ARHGAP11B: variants seen among roughly 807,000 people sequenced by gnomAD.
ARHGAP11B encodes Rho GTPase activating protein 11B.
A neutral mutation model predicts 27.6 loss-of-function variants in ARHGAP11B; 14 were observed. The observed-to-expected ratio is 0.51, with a 90% CI of 0.34 to 0.79. The LOEUF is 0.79. Among genes scored for constraint, ARHGAP11B ranks in the 30% least tolerant of loss-of-function variants. The pLI, the probability that ARHGAP11B is intolerant of heterozygous loss-of-function variation, is 0.02. For missense variants in ARHGAP11B, 245 were observed against 320.1 expected (o/e 0.77, Z 1.79); for synonymous variants, 82 against 114.1 (o/e 0.72, Z 1.80).
rs369518739 is a variant in ARHGAP11B at position 30,635,595 on chromosome 15, C to G, written c.769C>G (p.Leu257Val). ...TTTGAAGAAGGTGAATATGAAACTCCTGGTGAATATAAGAGAAAGAGAAGA... is the reference window on the plus strand; with the variant it reads ...TTTGAAGAAGGTGAATATGAAACTCGTGGTGAATATAAGAGAAAGAGAAGA... The change falls in exon 6 of 11, where the codon CTG becomes GTG. Residue 257 changes from leucine to valine, a missense_variant. By Grantham distance (32) the Leu-to-Val change is conservative (BLOSUM62 1). This residue lies in a region of ARHGAP11B where 129 missense variants were observed against 159.9 expected (regional missense o/e 0.81). Coordinates refer to ENST00000428041, the Ensembl canonical transcript of ARHGAP11B. 25 of 1,613,270 alleles carry G rather than the reference C, an allele frequency of 1.5e-5. No homozygotes were observed. Among genetic ancestry groups the G allele is most frequent in the Middle Eastern group, 3.3e-4 (2 of 6,078 alleles).
chr15:30,642,283 G>A (rs2060320383), intron 7 of ARHGAP11B, among the ~76,000 whole-genome samples: 1 of 151,924 alleles, frequency 6.6e-6, no homozygotes, highest in East Asian at 1.9e-4. Context: ...AAATGTATAT[G>A]GAGCCTTTGT....
rs1001165393 is a variant in ARHGAP11B, at chr15:30,628,935, C to A, written c.130-1768C>A. On this transcript the variant is annotated intron_variant, in intron 1 of 10. Transcript: ENST00000428041. Reference sequence around the variant, plus strand: ...TTATATATAACAGAAGTAGACTTACCAGCCTAAGTATCTGGTTTATTTTTA... The same window carrying A: ...TTATATATAACAGAAGTAGACTTACAAGCCTAAGTATCTGGTTTATTTTTA... Among the ~76,000 whole-genome samples, 30 of 151,918 alleles carry A rather than the reference C, an allele frequency of 2.0e-4. 1 individual carries two copies. The highest frequency in any genetic ancestry group is 6.8e-4 in the African/African-American group (28 of 41,354).
chr15:30,635,525 A>G (rs966012543), exon 6 of ARHGAP11B: 3 of 1,613,474 alleles, frequency 1.9e-6, no homozygotes, highest in South Asian at 1.1e-5. Flanking sequence ...GATACCAGCC[A>G]TGTTGGGTAT....
intron 7 of ARHGAP11B, among the ~76,000 whole-genome samples, chr15:30,639,817 A>G (rs1231467132): frequency 6.6e-6 from 1 of 152,004 alleles, no homozygotes; most frequent in Non-Finnish European, 1.5e-5. Context: ...ATATAAATGG[A>G]TTGTAAAGAT....
intron 3 of ARHGAP11B, among the ~76,000 whole-genome samples, chr15:30,633,849 T>G (rs1272323281): frequency 6.6e-6 from 1 of 151,850 alleles, no homozygotes; most frequent in Non-Finnish European, 1.5e-5. Flanking sequence ...TAAGTTATAT[T>G]GTTGTTAGCC....
exon 1 of ARHGAP11B, chr15:30,626,570 C>G (rs114851315): frequency 0.012 from 6,138 of 525,668 alleles, 133 homozygotes; most frequent in African/African-American, 0.063. Context: ...AAGAAGGTCG[C>G]TGTAAGTGAA....
At chr15:30,636,748 C>A (rs1367238006) in intron 6 of ARHGAP11B, among the ~76,000 whole-genome samples, 1 of 152,092 alleles carries the variant, frequency 6.6e-6, no homozygotes, top group Non-Finnish European at 1.5e-5. Flanking sequence ...TTTCTTGCCT[C>A]TTCCTGGCTC....
At chr15:30,631,537 A>G (rs56176437) in intron 2 of ARHGAP11B, among the ~76,000 whole-genome samples, 83,642 of 151,234 alleles carry the variant, frequency 0.55, 24,670 homozygotes, top group African/African-American at 0.71. Context: ...AAGGTGGTGT[A>G]CACCCCTGTA....
chr15:30,627,717 G>A (rs927739097), intron 1 of ARHGAP11B, among the ~76,000 whole-genome samples: 3 of 151,926 alleles, frequency 2.0e-5, no homozygotes, highest in Non-Finnish European at 2.9e-5. Context: ...TAAGCTGAAT[G>A]TAAAGCATTT....
chr15:30,633,014 A>G (rs2060255305), intron 2 of ARHGAP11B, among the ~76,000 whole-genome samples: 1 of 150,182 alleles, frequency 6.7e-6, no homozygotes, highest in African/African-American at 2.5e-5. Flanking sequence ...TTTTGAGATG[A>G]ACAGGGAAGG....
chr15:30,631,053 A>C (rs1484199959), intron 2 of ARHGAP11B, among the ~76,000 whole-genome samples: 2 of 151,664 alleles, frequency 1.3e-5, no homozygotes, highest in African/African-American at 4.8e-5. Context: ...GAAGAGAGTA[A>C]GCATTTCAAA....
At chr15:30,627,055 T>C in intron 1 of ARHGAP11B, 106 bp downstream of exon 1, 1 of 1,508,952 alleles carries the variant, frequency 6.6e-7, no homozygotes, top group Non-Finnish European at 8.9e-7. Flanking sequence ...TCAAAAAGAA[T>C]GGTTAGGTGT....
At chr15:30,629,098 G>C (rs187774071) in intron 1 of ARHGAP11B, among the ~76,000 whole-genome samples, 1 of 151,998 alleles carries the variant, frequency 6.6e-6, no homozygotes, top group Admixed American at 6.6e-5. Context: ...TGCTTACTGT[G>C]TGTCAGACAC....
chr15:30,634,163 A>G lies in ARHGAP11B; in HGVS notation c.298-7A>G. On this transcript the variant is annotated splice_region_variant and splice_polypyrimidine_tract_variant and intron_variant, in intron 3 of 10. Coordinates refer to ENST00000428041, the Ensembl canonical transcript of ARHGAP11B. ...CAAAATACTCAAGATTATTATATTT[A>G]TTTCAGAATAAAGTGGATCATGGTG... The G allele has an allele frequency of 6.2e-7, 1 of 1,605,640 alleles. No individual in the cohort carries two copies. Among genetic ancestry groups the G allele is most frequent in the Non-Finnish European group, 8.5e-7 (1 of 1,174,570 alleles).
rs371649115 is a variant in ARHGAP11B, at chr15:30,626,876, A to G, written c.56A>G (p.Tyr19Cys). ...CTGTTGCAGCATCTGCGGGCCTTCT[A>G]TGGTATTAAGGTGAAGGGTGTCCGT... Residue 19 changes from tyrosine to cysteine, a missense_variant, in exon 1 of 11, where the codon TAT becomes TGT. By Grantham distance (194) the Tyr-to-Cys change is radical. Around this residue, in one of 3 missense-constraint regions of ARHGAP11B, gnomAD observed 107 missense variants for 121.9 expected, o/e 0.88. Transcript: ENST00000428041. 101 of 1,613,568 alleles carry G rather than the reference A, an allele frequency of 6.3e-5. 3 individuals carry two copies. The African/African-American group carries it at 8.0e-4, about 13-fold the overall frequency.
chr15:30,648,949 T>C (rs2060369205), exon 11 of ARHGAP11B: 1 of 152,100 alleles, frequency 6.6e-6, no homozygotes, highest in Non-Finnish European at 1.5e-5. Context: ...TTGAGAAGGC[T>C]TATGGTATGC....
chr15:30,642,908 G>A (rs1004681360), intron 7 of ARHGAP11B, among the ~76,000 whole-genome samples: 1 of 152,032 alleles, frequency 6.6e-6, no homozygotes, highest in African/African-American at 2.4e-5. Flanking sequence ...AGTGATTTCG[G>A]TTGTTGCTTG....
At chr15:30,633,278 T>C (rs2170759) in intron 2 of ARHGAP11B, among the ~76,000 whole-genome samples, 6 of 152,012 alleles carry the variant, frequency 3.9e-5, no homozygotes, top group East Asian at 3.9e-4. Flanking sequence ...TTAGTGTGCA[T>C]ATTGGAGTTG....
At chr15:30,633,419 G>C in intron 2 of ARHGAP11B, 71 bp from the exon 3 acceptor site, 1 of 1,390,558 alleles carries the variant, frequency 7.2e-7, no homozygotes, top group Non-Finnish European at 1.0e-6. Context: ...TGCTTGGCCT[G>C]CTCATGTATG....
Sources: gnomAD v4.1 joint callset for allele counts (sites outside exome capture counted in the v4.1 genomes callset) on GRCh38, gnomAD v4.1.1 for gene constraint, gnomAD v4.1.1 regional missense constraint, MANE v1.5 for transcripts, NCBI Gene and HGNC (gene_info 2026-07-23, HGNC 2026-07-21) for gene names.